SLC36A1: variants seen among roughly 807,000 people sequenced by gnomAD.
The protein encoded by SLC36A1 is proton-coupled amino acid transporter 1.
A neutral mutation model predicts 47.5 loss-of-function variants in SLC36A1; 30 were observed. The ratio of observed to expected loss-of-function variants is 0.63; its 90% CI spans 0.47 to 0.86. The LOEUF is 0.86. Among genes scored for constraint, SLC36A1 ranks in the 40% least tolerant of loss-of-function variants. The probability of loss-of-function intolerance (pLI) is 0.00; values close to 1 mark genes in which losing one functional copy is unlikely to be tolerated. For synonymous variants in SLC36A1, 255 were observed against 249.7 expected (o/e 1.02, Z -0.20); for missense variants, 517 against 606.0 (o/e 0.85, Z 1.54).
the SLC36A1 span, chr5:151,528,258 T>C: frequency 0.68 from 757,026 of 1,119,136 alleles, 259,390 homozygotes; most frequent in East Asian, 0.89. Context: ...GGATCACAGT[T>C]GTCCCTGCCA....
chr5:151,420,511 C>G, the SLC36A1 span, among the ~76,000 whole-genome samples: 1 of 152,298 alleles, frequency 6.6e-6, no homozygotes, highest in African/African-American at 2.4e-5. Context: ...TGGGGATGAT[C>G]GTGCATGCCG....
the SLC36A1 span, chr5:151,414,770 T>C: frequency 6.6e-6 from 1 of 152,194 alleles, no homozygotes; most frequent in Non-Finnish European, 1.5e-5. Flanking sequence ...ACAATGTCCC[T>C]GGGCATTGGG....
chr5:151,460,081 G>C (rs11750448), intron 2 of SLC36A1, among the ~76,000 whole-genome samples: 1 of 152,202 alleles, frequency 6.6e-6, no homozygotes, highest in African/African-American at 2.4e-5. Flanking sequence ...AGATTGCTTA[G>C]AGCACAGCTG....
At chr5:151,433,496 G>T (rs1759580276), upstream of SLC36A1, among the ~76,000 whole-genome samples, 1 of 149,870 alleles carries the variant, frequency 6.7e-6, no homozygotes, top group African/African-American at 2.5e-5. Context: ...TCACCATGTT[G>T]TCCAGGCTGG....
chr5:151,441,056 G>C (rs1279234574), intron 1 of SLC36A1, among the ~76,000 whole-genome samples: 1 of 152,208 alleles, frequency 6.6e-6, no homozygotes, highest in African/African-American at 2.4e-5. Context: ...TGTAGAGTAG[G>C]ACCCAGAATT....
chr5:151,521,197 C>T, the SLC36A1 span: 13 of 1,429,362 alleles, frequency 9.1e-6, no homozygotes, highest in Non-Finnish European at 1.1e-5. Flanking sequence ...CACAGAGCCT[C>T]AGTGGAATCT....
At chr5:151,527,152 C>T in the SLC36A1 span, 13 of 1,366,254 alleles carry the variant, frequency 9.5e-6, no homozygotes, top group Non-Finnish European at 1.3e-5. Context: ...TTCATGTGGA[C>T]TAATGCCACT....
chr5:151,449,287 C>G (rs1753254944), intron 1 of SLC36A1, among the ~76,000 whole-genome samples: 1 of 152,172 alleles, frequency 6.6e-6, no homozygotes, highest in Non-Finnish European at 1.5e-5. Context: ...GATCAGGGCC[C>G]TCTTCTGACT....
At chr5:151,458,282 G>T (rs564192958) in intron 1 of SLC36A1, among the ~76,000 whole-genome samples, 1 of 141,960 alleles carries the variant, frequency 7.0e-6, no homozygotes, top group African/African-American at 2.7e-5. Flanking sequence ...ATGTGTATAC[G>T]TGTATATATA....
chr5:151,510,460 C>T, the SLC36A1 span: 1 of 270,538 alleles, frequency 3.7e-6, no homozygotes, highest in East Asian at 7.0e-5. Context: ...AGTCACTGTT[C>T]CAAGGATCTT....
the SLC36A1 span, chr5:151,554,257 C>A: frequency 1.9e-6 from 2 of 1,041,400 alleles, no homozygotes; most frequent in Non-Finnish European, 1.4e-6. Context: ...AGGAGAGTAC[C>A]ATTTCCCTTA....
chr5:151,478,834 T>C (rs545633112), intron 9 of SLC36A1, among the ~76,000 whole-genome samples: 1 of 134,444 alleles, frequency 7.4e-6, no homozygotes, highest in Non-Finnish European at 1.5e-5. Context: ...CTCTTTTTTC[T>C]TTTTTAAGAC....
chr5:151,443,537 T>C (rs10042791), upstream of SLC36A1, among the ~76,000 whole-genome samples: 35,319 of 152,160 alleles, frequency 0.23, 4,427 homozygotes, highest in African/African-American at 0.31. Flanking sequence ...TGCTGAGTTA[T>C]ATGAGTTTTT....
intron 9 of SLC36A1, among the ~76,000 whole-genome samples, chr5:151,477,740 T>C (rs1450498360): frequency 6.6e-6 from 1 of 152,224 alleles, no homozygotes. Context: ...GTGTCTACTT[T>C]TAAATTTCCA....
At chr5:151,531,896 C>A in the SLC36A1 span, 22 of 1,614,022 alleles carry the variant, frequency 1.4e-5, no homozygotes, top group African/African-American at 2.7e-5. The surrounding 1 kb of genome is among the most constrained non-coding windows in gnomAD (Gnocchi z 5.7). Context: ...AGGCGGATCA[C>A]CCCCGTGGTG....
chr5:151,528,228 C>T, the SLC36A1 span: 1 of 1,472,616 alleles, frequency 6.8e-7, no homozygotes, highest in Non-Finnish European at 9.3e-7. Flanking sequence ...CCAGTGACTG[C>T]CTTTGGGCTA....
At chr5:151,394,061 T>C in the SLC36A1 span, among the ~76,000 whole-genome samples, 31 of 152,372 alleles carry the variant, frequency 2.0e-4, no homozygotes, top group South Asian at 6.2e-4. Flanking sequence ...AGATTTGGTC[T>C]TTTCACATAG....
In SLC36A1 at chr5:151,450,763, A is replaced by G. The variant is rs569701970; in HGVS notation, c.-6+2950A>G. Among the ~76,000 whole-genome samples the G allele has an allele frequency of 2.0e-5, 3 of 152,210 alleles. No individual in the cohort carries two copies. In the South Asian group the frequency reaches 6.2e-4, roughly 32 times the overall value. On this transcript the variant is annotated intron_variant, in intron 1 of 10. Transcript: ENST00000243389. Reference sequence around the variant, plus strand: ...TCTTTAAATGCTTGATATCGCTTCAAAGGTCAGATGAGTGAATAGTCTTCT... The same window carrying G: ...TCTTTAAATGCTTGATATCGCTTCAGAGGTCAGATGAGTGAATAGTCTTCT...
the SLC36A1 span, among the ~76,000 whole-genome samples, chr5:151,351,726 G>A: frequency 1.3e-5 from 2 of 152,104 alleles, no homozygotes; most frequent in Admixed American, 6.6e-5. Context: ...AGTATTCAGA[G>A]CAATCCTTCA....
Sources: allele counts gnomAD v4.1 joint callset (sites outside exome capture counted in the v4.1 genomes callset), GRCh38; gene constraint gnomAD v4.1.1; non-coding constraint Gnocchi (gnomAD v3.1); transcripts MANE v1.5; gene names NCBI Gene and HGNC (gene_info 2026-07-23, HGNC 2026-07-21).